PRDM16: variants seen among roughly 807,000 people sequenced by gnomAD.
The protein encoded by PRDM16 is PR/SET domain 16.
Under a neutral mutation model 110.6 loss-of-function variants are expected in PRDM16, and 23 were observed. The ratio of observed to expected loss-of-function variants is 0.21; its 90% confidence interval spans 0.15 to 0.29. The LOEUF (loss-of-function observed/expected upper bound fraction) is 0.29, where lower values mean the gene tolerates loss of function less well. Among genes scored for constraint, PRDM16 ranks in the 10% least tolerant of loss-of-function variants. PRDM16 has a pLI of 1.00. For missense variants in PRDM16, 1,615 were observed against 1,794.3 expected (o/e 0.90, Z 1.81); for synonymous variants, 799 against 781.8 (o/e 1.02, Z -0.37).
chr1:3,386,414 G>A (rs941106965), intron 4 of PRDM16, among the ~76,000 whole-genome samples: 1 of 152,210 alleles, frequency 6.6e-6, no homozygotes, highest in African/African-American at 2.4e-5. Context: ...CGCAGGCCCC[G>A]GCTGGCTGCC....
At chr1:3,307,248 C>T (rs1169429453) in intron 3 of PRDM16, 3 of 152,234 alleles carry the variant, frequency 2.0e-5, no homozygotes, top group Non-Finnish European at 2.9e-5. Context: ...CGAGGAACTG[C>T]TGGACTATTT....
chr1:3,433,533 GGAT>G (rs1638827226), intron 16 of PRDM16, 141 bp from the exon 17 acceptor site: 1 of 250,760 alleles, frequency 4.0e-6, no homozygotes. Context: ...TGCCTGTCTG[GGAT>G]GGCCCGCCCT....
chr1:3,377,836 G>A (rs533334324), intron 3 of PRDM16, among the ~76,000 whole-genome samples: 6 of 152,234 alleles, frequency 3.9e-5, no homozygotes, highest in East Asian at 1.9e-4. Context: ...AAACAGAAGC[G>A]AGCAGTGAGC....
chr1:3,276,930 C>T (rs1356812420), intron 3 of PRDM16, among the ~76,000 whole-genome samples: 2 of 152,168 alleles, frequency 1.3e-5, no homozygotes, highest in African/African-American at 4.8e-5. Context: ...TTCTCCCCAT[C>T]CCCCATCACG....
chr1:3,259,584 G>C (rs1198265811), intron 3 of PRDM16, among the ~76,000 whole-genome samples: 4 of 152,122 alleles, frequency 2.6e-5, no homozygotes, highest in African/African-American at 9.7e-5. Flanking sequence ...GGCAAATCAG[G>C]CCCCCCCAAG....
chr1:3,415,555 T>C (rs577852842), intron 10 of PRDM16, among the ~76,000 whole-genome samples: 257 of 152,380 alleles, frequency 1.7e-3, no homozygotes, highest in Admixed American at 3.3e-3. Flanking sequence ...TTCCCCTGAT[T>C]TTCCTCGGGA....
intron 9 of PRDM16, among the ~76,000 whole-genome samples, chr1:3,413,558 C>T (rs1237473331): frequency 2.6e-5 from 4 of 152,178 alleles, no homozygotes; most frequent in Admixed American, 2.0e-4. Flanking sequence ...CAGCACCTGT[C>T]CCTGTGCTCC....
intron 3 of PRDM16, among the ~76,000 whole-genome samples, chr1:3,272,143 C>G (rs1569967883): frequency 6.6e-6 from 1 of 152,328 alleles, no homozygotes; most frequent in East Asian, 1.9e-4. Context: ...GGGAATCTGG[C>G]TCACGGTTTC....
chr1:3,304,413 C>G (rs1291830083), intron 3 of PRDM16, among the ~76,000 whole-genome samples: 1 of 152,226 alleles, frequency 6.6e-6, no homozygotes, highest in Non-Finnish European at 1.5e-5. Flanking sequence ...TCTCTATTCG[C>G]TGAAACCACA....
At chr1:3,195,080 C>T (rs72630990) in intron 2 of PRDM16, among the ~76,000 whole-genome samples, 409 of 152,304 alleles carry the variant, frequency 2.7e-3, no homozygotes, top group South Asian at 8.7e-3. Context: ...GAGCCAGCAC[C>T]GGGCAGCTCG....
chr1:3,391,843 G>A lies in PRDM16; in HGVS notation c.574-4648G>A, dbSNP rs1056480210. 4.6e-5 allele frequency among the ~76,000 whole-genome samples: 7 copies of A among 152,246 alleles called. No homozygotes were observed. The East Asian group carries it at 5.8e-4, about 13-fold the overall frequency. ...CAGAGGCAGGCTCCCAAGCACAGGC[G>A]TGCACAGGGTAGGGAGAAAGGAGAC... On this transcript the variant is annotated intron_variant, in intron 4 of 16. Transcript: ENST00000270722.
chr1:3,118,026 A>C (rs1289018708), intron 1 of PRDM16, among the ~76,000 whole-genome samples: 3 of 151,354 alleles, frequency 2.0e-5, no homozygotes, highest in African/African-American at 7.3e-5. Context: ...GCATGTGTAC[A>C]TGCATGTGTG....
At chr1:3,195,098 A>C (rs1638431761) in intron 2 of PRDM16, among the ~76,000 whole-genome samples, 1 of 152,212 alleles carries the variant, frequency 6.6e-6, no homozygotes, top group African/African-American at 2.4e-5. Flanking sequence ...TCGGCGAGGC[A>C]CACAGCGTCG....
In PRDM16 at chr1:3,350,713, G is replaced by A. The variant is rs566395015; in HGVS notation, c.439-34439G>A. 3.7e-4 allele frequency among the ~76,000 whole-genome samples: 57 copies of A among 152,148 alleles called. No individual in the cohort carries two copies. Among genetic ancestry groups the A allele is most frequent in the Non-Finnish European group, 7.6e-4 (52 of 68,024 alleles). ...GCACCATGCAGCCTCCCAGATGGCC[G>A]GGCCGGGCTGGTTCCTCCCTCCCAG... On this transcript the variant is annotated intron_variant, in intron 3 of 16. Coordinates refer to ENST00000270722, the MANE Select transcript of PRDM16 (RefSeq NM_022114.4). The surrounding 1 kb of genome is among the most constrained non-coding windows in gnomAD (Gnocchi z 7.1).
chr1:3,431,143 GA>G, intron 15 of PRDM16, 35 bp downstream of exon 15: 1 of 1,540,768 alleles, frequency 6.5e-7, no homozygotes, highest in Non-Finnish European at 8.8e-7. Flanking sequence ...ATGGGGCAGG[GA>G]GGGAACGTGG....
intron 3 of PRDM16, among the ~76,000 whole-genome samples, chr1:3,330,834 G>A (rs1328011385): frequency 2.0e-5 from 3 of 152,228 alleles, no homozygotes; most frequent in East Asian, 3.9e-4. Context: ...GTTCATACAG[G>A]CCCGAGCTGC....
rs138160212 is a variant in PRDM16 at position 3,145,763 on chromosome 1, T to C, written c.38-40362T>C. ...ATCAGCTATGCAGACAGTGAGGTCA[T>C]TCCTGCCCACCGAGGCTCCCGATAA... On this transcript the variant is annotated intron_variant, in intron 1 of 16. Transcript: ENST00000270722. Among the ~76,000 whole-genome samples the C allele has an allele frequency of 1.7e-3, 261 of 152,288 alleles. 1 individual carries two copies. Among genetic ancestry groups the C allele is most frequent in the Non-Finnish European group, 2.8e-3 (193 of 68,012 alleles).
At chr1:3,150,970 C>T (rs1182740020) in intron 1 of PRDM16, among the ~76,000 whole-genome samples, 7 of 74,462 alleles carry the variant, frequency 9.4e-5, no homozygotes, top group Non-Finnish European at 1.5e-4. Flanking sequence ...GGGGCTGGTC[C>T]TAGAGCTATG....
chr1:3,297,021 T>C (rs1641103502), intron 3 of PRDM16, among the ~76,000 whole-genome samples: 2 of 152,178 alleles, frequency 1.3e-5, no homozygotes, highest in East Asian at 3.9e-4. Flanking sequence ...ATTTATTGAA[T>C]ACTGTACTGA....
Sources: allele counts gnomAD v4.1 joint callset (sites outside exome capture counted in the v4.1 genomes callset), GRCh38; gene constraint gnomAD v4.1.1; non-coding constraint Gnocchi (gnomAD v3.1); transcripts MANE v1.5; gene names NCBI Gene and HGNC (gene_info 2026-07-23, HGNC 2026-07-21).